The following NF1 variants were observed in gnomAD, a reference collection of about 807,000 sequenced individuals.
NF1 encodes the protein neurofibromin.
Under a neutral mutation model 325.7 loss-of-function variants are expected in NF1, and 122 were observed. That is an observed-to-expected ratio of 0.37 (90% CI 0.32 to 0.44). NF1 has a LOEUF of 0.44. NF1 is among the 20% of genes least tolerant of loss of function. The pLI, the probability that NF1 is intolerant of heterozygous loss-of-function variation, is 1.00. For missense variants in NF1, 2,140 were observed against 3,415.4 expected (o/e 0.63, Z 9.31); for synonymous variants, 1,091 against 1,186.0 (o/e 0.92, Z 1.65).
rs143149605 is a variant in NF1 at position 31,168,012 on chromosome 17, A to G, written c.480-1879A>G. ...CAAAGTAAATGTACCCTGTGAATAT[A>G]AAGTTTCATTCGTGTTTCAAAAATC... On this transcript the variant is annotated intron_variant, in intron 4 of 57. Transcript: ENST00000358273. 8.9e-4 allele frequency among the ~76,000 whole-genome samples: 136 copies of G among 152,356 alleles called. 1 individual carries two copies. The highest frequency in any genetic ancestry group is 3.1e-3 in the African/African-American group (128 of 41,596).
At chr17:31,272,099 C>A (rs1395686105) in intron 36 of NF1, 1 of 151,916 alleles carries the variant, frequency 6.6e-6, no homozygotes, top group Non-Finnish European at 1.5e-5. Context: ...TTTAAACGTA[C>A]ACAATTATAA....
Position 31,227,602 on chromosome 17 carries a change from G to A in NF1, c.2405G>A (p.Gly802Asp), listed in dbSNP as rs752404130. ...LNYPKAKMED[G>D]QAAESLHKTI... is the part of the protein sequence containing the mutation. ...TATCCAAAAGCCAAAATGGAAGATG[G>A]CCAGGTAAGTCTGTAAAGTTGACTT... The change falls in exon 20 of 58, where the codon GGC (glycine) becomes GAC (aspartate). Residue 802 changes from glycine to aspartate, a missense_variant. Gly to Asp is a moderately conservative substitution (Grantham distance 94). Transcript: ENST00000358273. 1 of 1,613,576 alleles carries A rather than the reference G, an allele frequency of 6.2e-7. No individual in the cohort carries two copies. The highest frequency in any genetic ancestry group is 1.7e-5 in the Admixed American group (1 of 59,982).
chr17:31,360,390 T>C lies in NF1; in HGVS notation c.8161-97T>C, dbSNP rs139311902. On this transcript the variant is annotated intron_variant, in intron 56 of 57. Transcript: ENST00000358273. Reference sequence around the variant, plus strand: ...GATAAGTAATACAAAGGAAGAAAAATAGTAAATTAAGTCCAAACAAAATTA... The same window carrying C: ...GATAAGTAATACAAAGGAAGAAAAACAGTAAATTAAGTCCAAACAAAATTA... The C allele has an allele frequency of 2.9e-6, 3 of 1,025,088 alleles. No homozygotes were observed. In the African/African-American group the frequency reaches 4.8e-5, roughly 16 times the overall value. 63.5% of individuals were successfully genotyped at this position (1,025,088 alleles called of 1,614,324 possible).
chr17:31,149,087 T>C (rs1916760958), intron 1 of NF1, among the ~76,000 whole-genome samples: 1 of 152,080 alleles, frequency 6.6e-6, no homozygotes. Context: ...TGGAACATAC[T>C]GTGTATATTT....
chr17:31,367,970 AAT>A (rs1029865949), intron 57 of NF1, among the ~76,000 whole-genome samples: 20 of 152,190 alleles, frequency 1.3e-4, no homozygotes, highest in African/African-American at 4.8e-4. Context: ...AAAAAAAAAA[AAT>A]ATATGGTCAT....
At chr17:31,307,004 A>G (rs2068741069) in intron 36 of NF1, among the ~76,000 whole-genome samples, 1 of 152,024 alleles carries the variant, frequency 6.6e-6, no homozygotes, top group South Asian at 2.1e-4. Flanking sequence ...GAAGAAAGAA[A>G]AAAAGCTAAA....
chr17:31,310,616 A>G (rs2068845890), intron 36 of NF1, among the ~76,000 whole-genome samples: 1 of 152,124 alleles, frequency 6.6e-6, no homozygotes, highest in Non-Finnish European at 1.5e-5. Context: ...GTCTGCTGTG[A>G]GTATCCTTAC....
chr17:31,363,691 C>T (rs1346741891), intron 57 of NF1, among the ~76,000 whole-genome samples: 1 of 151,626 alleles, frequency 6.6e-6, no homozygotes, highest in Non-Finnish European at 1.5e-5. Context: ...CCACTTCAGC[C>T]TCCCAAAGTG....
At chr17:31,296,149 G>A (rs1317710987) in intron 36 of NF1, 1 of 1,611,560 alleles carries the variant, frequency 6.2e-7, no homozygotes, top group Non-Finnish European at 8.5e-7. Context: ...TATAAGACAG[G>A]TTTAAATGTA....
chr17:31,320,296 G>C (rs190919703), intron 36 of NF1: 5 of 1,203,186 alleles, frequency 4.2e-6, no homozygotes, highest in Admixed American at 2.7e-5. Flanking sequence ...AGAACCCTAC[G>C]TATGCTATAG....
In NF1 at chr17:31,358,887, A is replaced by G. The variant is rs34513299; in HGVS notation, c.8114-82A>G. Reference sequence around the variant, plus strand: ...AACATGTACATAGGGTTTATATATCATCAGCTATATGACTTATTTAATTTC... The same window carrying G: ...AACATGTACATAGGGTTTATATATCGTCAGCTATATGACTTATTTAATTTC... On this transcript the variant is annotated intron_variant, in intron 55 of 57. Transcript: ENST00000358273. The G allele has an allele frequency of 3.3e-3, 4,093 of 1,243,868 alleles. 17 individuals are homozygous for G. Among genetic ancestry groups the G allele is most frequent in the South Asian group, 0.01 (848 of 82,294 alleles). The allele number at this position is 1,243,868 out of a possible 1,614,324, so 77.1% of individuals were successfully genotyped here.
chr17:31,201,398 T>C lies in NF1; in HGVS notation c.1186-13T>C, dbSNP rs2066527066. ...CATAGAAATAATCTGCTTTTTTTTT[T>C]CTTTTTCTATAGATCTGCCTGGCTC... is the stretch of plus-strand genomic sequence containing the variant. On this transcript the variant is annotated splice_polypyrimidine_tract_variant and intron_variant, in intron 10 of 57. Transcript: ENST00000358273. 1 of 1,603,730 alleles carries C rather than the reference T, an allele frequency of 6.2e-7. No individual in the cohort carries two copies. Among genetic ancestry groups the C allele is most frequent in the Admixed American group, 1.7e-5 (1 of 59,636 alleles).
rs1316889090 is a variant in NF1, at chr17:31,335,050, T to A, written c.6006+19T>A. The stretch of plus-strand genomic sequence containing the variant: ...TGGGCAGGTATTGAGTTTGCTCAAA[T>A]ATTTATCTAGTATCTCCTTTGTGCA... On this transcript the variant is annotated intron_variant, in intron 40 of 57. Transcript: ENST00000358273. The A allele has an allele frequency of 6.3e-7, 1 of 1,596,632 alleles. No individual in the cohort carries two copies. Among genetic ancestry groups the A allele is most frequent in the East Asian group, 2.2e-5 (1 of 44,712 alleles).
intron 1 of NF1, among the ~76,000 whole-genome samples, chr17:31,146,707 C>T (rs1916611907): frequency 6.6e-6 from 1 of 152,258 alleles, no homozygotes; most frequent in Non-Finnish European, 1.5e-5. Flanking sequence ...AGGCCCAGCA[C>T]CAGCTTTGGC....
chr17:31,198,629 G>A (rs572493844), intron 8 of NF1, among the ~76,000 whole-genome samples: 10 of 146,584 alleles, frequency 6.8e-5, no homozygotes, highest in Admixed American at 2.7e-4. Context: ...TTGAGGGGGT[G>A]GGGGGGATAG....
intron 13 of NF1, among the ~76,000 whole-genome samples, chr17:31,216,382 C>G (rs1480614312): frequency 6.6e-6 from 1 of 152,070 alleles, no homozygotes; most frequent in Non-Finnish European, 1.5e-5. Flanking sequence ...ACCATAAGTA[C>G]ATTAAAATAG....
At chr17:31,211,819 G>T (rs1157174766) in intron 12 of NF1, among the ~76,000 whole-genome samples, 2 of 152,204 alleles carry the variant, frequency 1.3e-5, no homozygotes, top group Non-Finnish European at 2.9e-5. Flanking sequence ...GTCATTGAGT[G>T]AGTGTTGAGT....
chr17:31,362,008 A>G (rs1024096474), intron 57 of NF1, among the ~76,000 whole-genome samples: 2 of 152,150 alleles, frequency 1.3e-5, no homozygotes, highest in Non-Finnish European at 2.9e-5. Context: ...CTCTGCCACT[A>G]ACTCTCTAGT....
intron 17 of NF1, among the ~76,000 whole-genome samples, chr17:31,225,573 A>C (rs2066999155): frequency 6.6e-6 from 1 of 152,146 alleles, no homozygotes; most frequent in African/African-American, 2.4e-5. Context: ...TCCATAAAAA[A>C]CCCATTCATA....
Sources: gnomAD v4.1 joint callset for allele counts (sites outside exome capture counted in the v4.1 genomes callset) on GRCh38, gnomAD v4.1.1 for gene constraint, MANE v1.5 for transcripts, NCBI Gene and HGNC (gene_info 2026-07-23, HGNC 2026-07-21) for gene names.